The following TEK variants were observed in gnomAD, a reference collection of about 807,000 sequenced individuals.
The protein encoded by TEK is TEK receptor tyrosine kinase.
A neutral mutation model predicts 131.8 loss-of-function variants in TEK; 43 were observed. The ratio of observed to expected loss-of-function variants is 0.33; its 90% confidence interval spans 0.26 to 0.42. TEK has a LOEUF of 0.42. Ranked by LOEUF, TEK falls within the 10% of genes least tolerant of loss-of-function variation. The pLI, the probability that TEK is intolerant of heterozygous loss-of-function variation, is 1.00. For synonymous variants in TEK, 580 were observed against 491.6 expected (o/e 1.18, Z -2.38); for missense variants, 1,162 against 1,384.4 (o/e 0.84, Z 2.55).
intron 12 of TEK, among the ~76,000 whole-genome samples, chr9:27,201,674 G>C (rs1825217835): frequency 6.6e-6 from 1 of 152,036 alleles, no homozygotes; most frequent in Non-Finnish European, 1.5e-5. Flanking sequence ...GTAACAAGGG[G>C]GAGTCAACAT....
At chr9:27,218,705 G>T (rs1035568215) in intron 19 of TEK, 72 bp from the exon 20 acceptor site, 9 of 1,556,258 alleles carry the variant, frequency 5.8e-6, no homozygotes, top group Non-Finnish European at 5.3e-6. Flanking sequence ...GGGTCTCCCT[G>T]GCTTTTGGGG....
intron 1 of TEK, among the ~76,000 whole-genome samples, chr9:27,154,313 C>A (rs1823243238): frequency 6.6e-6 from 1 of 152,224 alleles, no homozygotes; most frequent in African/African-American, 2.4e-5. Context: ...CTATCCCTCC[C>A]TGACCTCAGG....
intron 1 of TEK, among the ~76,000 whole-genome samples, chr9:27,112,551 G>A (rs180754246): frequency 2.0e-5 from 3 of 152,198 alleles, no homozygotes; most frequent in African/African-American, 7.2e-5. Flanking sequence ...CTCTCCAGGA[G>A]GGAAGGAGTC....
At chr9:27,128,951 C>T (rs111459616) in intron 1 of TEK, among the ~76,000 whole-genome samples, 24,249 of 152,066 alleles carry the variant, frequency 0.16, 3,232 homozygotes, top group African/African-American at 0.36. Context: ...TCTTTTCCTA[C>T]GTGAATACCC....
chr9:27,139,547 C>T (rs1422757068), intron 1 of TEK, among the ~76,000 whole-genome samples: 1 of 151,882 alleles, frequency 6.6e-6, no homozygotes, highest in African/African-American at 2.4e-5. Context: ...TAGTCTTGAA[C>T]TCCTGACCTT....
At chr9:27,157,037 T>C (rs1309161214) in intron 1 of TEK, among the ~76,000 whole-genome samples, 1 of 152,072 alleles carries the variant, frequency 6.6e-6, no homozygotes. Flanking sequence ...GAAAATAACA[T>C]GAGAGGATTT....
chr9:27,168,728 C>G, intron 3 of TEK, 123 bp downstream of exon 3: 1 of 764,866 alleles, frequency 1.3e-6, no homozygotes, highest in Non-Finnish European at 2.3e-6. Flanking sequence ...TGCTATGATG[C>G]AAGCTTTCAA....
chr9:27,222,621 T>C (rs1208863261), intron 21 of TEK, among the ~76,000 whole-genome samples: 4 of 152,086 alleles, frequency 2.6e-5, no homozygotes, highest in Non-Finnish European at 4.4e-5. Flanking sequence ...CTAAGCTACA[T>C]AACTGAAGGA....
intron 1 of TEK, among the ~76,000 whole-genome samples, chr9:27,153,821 T>G (rs2131110802): frequency 6.6e-6 from 1 of 152,348 alleles, no homozygotes; most frequent in Admixed American, 6.5e-5. Flanking sequence ...AGCCATGCCT[T>G]TCATGGTGTC....
At chr9:27,127,413 G>A (rs995029011) in intron 1 of TEK, among the ~76,000 whole-genome samples, 2 of 152,090 alleles carry the variant, frequency 1.3e-5, no homozygotes, top group Admixed American at 6.5e-5. Context: ...CTTTGCTATC[G>A]TGAATAGTGC....
rs1165171292 is a variant in TEK at position 27,197,555 on chromosome 9, A to G, written c.1865A>G (p.Gln622Arg). 3.1e-6 allele frequency: 5 copies of G among 1,614,092 alleles called. No individual in the cohort carries two copies. In the African/African-American group the frequency reaches 6.7e-5, roughly 22 times the overall value. The change falls in exon 12 of 23, where the codon CAG becomes CGG. Residue 622 changes from glutamine (Q) to arginine (R), a missense_variant. Gln to Arg is a conservative substitution (Grantham distance 43). Around this residue, in one of 6 missense-constraint regions of TEK, gnomAD observed 477 missense variants for 471.0 expected, o/e 1.01. Coordinates refer to ENST00000380036, the MANE Select transcript of TEK (RefSeq NM_000459.5). ...VVRARVNTKA[Q>R]GEWSEDLTAW... ...CGAGCTAGAGTCAACACCAAGGCCCAGGGGGAATGGAGTGAAGATCTCACT... is the reference window on the plus strand; with the variant it reads ...CGAGCTAGAGTCAACACCAAGGCCCGGGGGGAATGGAGTGAAGATCTCACT...
intron 20 of TEK, among the ~76,000 whole-genome samples, chr9:27,219,741 T>TGGA (rs1825982066): frequency 2.2e-5 from 3 of 138,640 alleles, no homozygotes; most frequent in Admixed American, 7.1e-5. Flanking sequence ...AAAAGGTTAA[T>TGGA]CTTATTGGTA....
intron 11 of TEK, among the ~76,000 whole-genome samples, chr9:27,193,471 G>C (rs1824895804): frequency 6.6e-6 from 1 of 152,130 alleles, no homozygotes; most frequent in Non-Finnish European, 1.5e-5. Flanking sequence ...AGTGGTGTTT[G>C]GTATTGACTG....
At chr9:27,155,550 A>G (rs925906075) in intron 1 of TEK, among the ~76,000 whole-genome samples, 14 of 152,234 alleles carry the variant, frequency 9.2e-5, no homozygotes, top group African/African-American at 3.4e-4. Context: ...TCAAAACATC[A>G]CTGAATACAG....
chr9:27,188,773 T>A (rs7848032), intron 9 of TEK, among the ~76,000 whole-genome samples: 1 of 152,064 alleles, frequency 6.6e-6, no homozygotes, highest in African/African-American at 2.4e-5. Context: ...GAGCAGTGAA[T>A]AATACAGGGG....
At chr9:27,193,142 G>A (rs1473925639) in intron 11 of TEK, among the ~76,000 whole-genome samples, 3 of 152,186 alleles carry the variant, frequency 2.0e-5, no homozygotes, top group Non-Finnish European at 2.9e-5. Context: ...CTAAAGAACA[G>A]CATTCTCCTG....
chr9:27,131,830 T>TA (rs1822239533), intron 1 of TEK, among the ~76,000 whole-genome samples: 1 of 151,826 alleles, frequency 6.6e-6, no homozygotes, highest in African/African-American at 2.4e-5. Flanking sequence ...AGAAATTTGA[T>TA]AAAGCTATAT....
chr9:27,158,761 G>A (rs1417216641), intron 2 of TEK, among the ~76,000 whole-genome samples: 2 of 151,500 alleles, frequency 1.3e-5, no homozygotes, highest in East Asian at 1.9e-4. Flanking sequence ...CCGGGTTCAA[G>A]CGATTCTTCT....
chr9:27,169,714 T>C (rs372636284), intron 4 of TEK, 85 bp downstream of exon 4: 23 of 1,590,386 alleles, frequency 1.4e-5, no homozygotes, highest in Non-Finnish European at 1.9e-5. Context: ...AAACTAACCA[T>C]GGCTTCTTAA....
Sources: allele counts gnomAD v4.1 joint callset (sites outside exome capture counted in the v4.1 genomes callset), GRCh38; gene constraint gnomAD v4.1.1; regional missense constraint gnomAD v4.1.1; transcripts MANE v1.5; gene names NCBI Gene and HGNC (gene_info 2026-07-23, HGNC 2026-07-21).